ANKRD17: variants seen among roughly 807,000 people sequenced by gnomAD.
The protein encoded by ANKRD17 is ankyrin repeat domain 17, also known as ankyrin repeat domain-containing protein 17.
Under a neutral mutation model 229.7 loss-of-function variants are expected in ANKRD17, and 19 were observed. That is an observed-to-expected ratio of 0.08 (90% CI 0.06 to 0.12). The LOEUF is 0.12. Ranked by LOEUF, ANKRD17 falls within the 10% of genes least tolerant of loss-of-function variation. ANKRD17 has a pLI of 1.00. For missense variants in ANKRD17, 2,176 were observed against 3,176.8 expected (o/e 0.68, Z 7.57); for synonymous variants, 1,112 against 1,146.1 (o/e 0.97, Z 0.60).
chr4:73,150,181 G>A lies in ANKRD17; in HGVS notation c.1330-1131C>T, dbSNP rs530344076. On this transcript the variant is annotated intron_variant, in intron 7 of 33. Transcript: ENST00000358602. ...TCTTCAGTGCTGAATCTTCTTCCTC[G>A]ATAGCGAACTCCCACATTTCCTTTA... Among the ~76,000 whole-genome samples the A allele has an allele frequency of 5.7e-4, 86 of 151,988 alleles. No individual in the cohort carries two copies. In the South Asian group the frequency reaches 0.018, roughly 31 times the overall value.
intron 8 of ANKRD17, among the ~76,000 whole-genome samples, 177 bp downstream of exon 8, chr4:73,148,636 T>C (rs3796680): frequency 0.018 from 2,699 of 152,320 alleles, 96 homozygotes; most frequent in East Asian, 0.12. Flanking sequence ...AGAAGTTTCT[T>C]TGATTTTGTT....
intron 1 of ANKRD17, among the ~76,000 whole-genome samples, chr4:73,232,654 C>T (rs937183995): frequency 6.6e-6 from 1 of 152,052 alleles, no homozygotes; most frequent in Admixed American, 6.6e-5. Flanking sequence ...TCACTTGGCC[C>T]GAGAACATAT....
intron 23 of ANKRD17, among the ~76,000 whole-genome samples, chr4:73,114,928 T>C (rs541399419): frequency 7.9e-5 from 12 of 152,296 alleles, no homozygotes; most frequent in African/African-American, 2.9e-4. Flanking sequence ...AATCAAAATG[T>C]ATGTCTCCAG....
chr4:73,108,300 A>C (rs977641186), intron 24 of ANKRD17, among the ~76,000 whole-genome samples: 4 of 152,228 alleles, frequency 2.6e-5, no homozygotes, highest in African/African-American at 9.6e-5. Flanking sequence ...TAAGGTATTC[A>C]AATGGACATG....
intron 1 of ANKRD17, among the ~76,000 whole-genome samples, chr4:73,199,652 G>A (rs1224912774): frequency 6.6e-6 from 1 of 152,006 alleles, no homozygotes; most frequent in Non-Finnish European, 1.5e-5. Flanking sequence ...CATTATCCTG[G>A]CTTTATTATT....
At chr4:73,198,087 A>C (rs955361433) in intron 1 of ANKRD17, among the ~76,000 whole-genome samples, 1 of 152,156 alleles carries the variant, frequency 6.6e-6, no homozygotes, top group Non-Finnish European at 1.5e-5. Flanking sequence ...TTTTTAAAAA[A>C]ATTATGCCAG....
At chr4:73,080,104 AT>A (rs761511027) in intron 30 of ANKRD17, among the ~76,000 whole-genome samples, 49 of 152,176 alleles carry the variant, frequency 3.2e-4, no homozygotes, top group Admixed American at 1.4e-3. Context: ...AGATGACTCC[AT>A]CCCCCCTCCC....
At chr4:73,125,107 A>C (rs753818655) in intron 17 of ANKRD17, 49 bp from the exon 18 acceptor site, 77 of 1,606,340 alleles carry the variant, frequency 4.8e-5, no homozygotes, top group Non-Finnish European at 6.1e-5. Context: ...CAAAAGAACA[A>C]AATATCTGAC....
chr4:73,096,269 TAC>T (rs1723290512), intron 27 of ANKRD17, among the ~76,000 whole-genome samples: 2 of 152,208 alleles, frequency 1.3e-5, no homozygotes, highest in South Asian at 4.1e-4. Context: ...TAAATGCATA[TAC>T]AAAAACCAAA....
intron 8 of ANKRD17, among the ~76,000 whole-genome samples, chr4:73,148,146 A>G (rs1179945271): frequency 6.6e-6 from 1 of 152,222 alleles, no homozygotes; most frequent in African/African-American, 2.4e-5. Context: ...CGCTTTAAAA[A>G]TCATAGTCAA....
chr4:73,203,644 G>C (rs909274830), intron 1 of ANKRD17, among the ~76,000 whole-genome samples: 2 of 151,038 alleles, frequency 1.3e-5, no homozygotes, highest in Non-Finnish European at 2.9e-5. Context: ...TGTAGTCCCA[G>C]CTACTCGGGA....
chr4:73,104,778 T>C (rs983346897), intron 24 of ANKRD17, among the ~76,000 whole-genome samples: 3 of 151,892 alleles, frequency 2.0e-5, no homozygotes, highest in Non-Finnish European at 4.4e-5. Flanking sequence ...GGGTGGAGAA[T>C]TTTTTTTAAA....
chr4:73,205,178 T>C (rs1478371807), intron 1 of ANKRD17, among the ~76,000 whole-genome samples: 1 of 152,060 alleles, frequency 6.6e-6, no homozygotes, highest in Non-Finnish European at 1.5e-5. Flanking sequence ...AATTAAAATT[T>C]AGCCAAGTGT....
At chr4:73,181,560 T>A (rs1313947249) in intron 1 of ANKRD17, among the ~76,000 whole-genome samples, 2 of 152,130 alleles carry the variant, frequency 1.3e-5, no homozygotes, top group African/African-American at 4.8e-5. Flanking sequence ...ATTCCTTTAT[T>A]AAATTATGGG....
In ANKRD17 at chr4:73,198,820, TC is replaced by T. The variant is rs111794408; in HGVS notation, c.394-21288del. Among the ~76,000 whole-genome samples, 493 of 152,218 alleles carry T rather than the reference TC, an allele frequency of 3.2e-3. 2 individuals carry two copies. The highest frequency in any genetic ancestry group is 0.016 in the South Asian group (77 of 4,822). ...CCCTTAATGATACTCAAAGACATTC[TC>T]CCATGAATTGTATGATAAATTAGAT... On this transcript the variant is annotated intron_variant, in intron 1 of 33. Transcript: ENST00000358602.
Position 73,092,221 on chromosome 4 carries a change from G to A in ANKRD17, c.5407C>T (p.Leu1803Phe). ...CTTTTCAAACGATTCTTTGGAATAA[G>A]TTCATCAATTTCTTTGTCTGGATCC... ...IKDPDKEIDELIPKNRLKSSS... is the reference protein window; with the variant it reads ...IKDPDKEIDEFIPKNRLKSSS... Residue 1803 changes from leucine to phenylalanine, a missense_variant, in exon 29 of 34, where the codon CTT becomes TTT. Around this residue, in one of 18 missense-constraint regions of ANKRD17, gnomAD observed 142 missense variants for 200.4 expected, o/e 0.71. Transcript: ENST00000358602. 6.2e-7 allele frequency: 1 copy of A among 1,614,116 alleles called. No homozygotes were observed. Among genetic ancestry groups the A allele is most frequent in the Non-Finnish European group, 8.5e-7 (1 of 1,180,020 alleles).
chr4:73,147,531 A>T, intron 8 of ANKRD17, 99 bp from the exon 9 acceptor site: 1 of 989,268 alleles, frequency 1.0e-6, no homozygotes, highest in Non-Finnish European at 1.4e-6. Context: ...TTTAAAATGA[A>T]CATTTATATT....
At chr4:73,203,959 A>G (rs1010718240) in intron 1 of ANKRD17, among the ~76,000 whole-genome samples, 4 of 152,136 alleles carry the variant, frequency 2.6e-5, no homozygotes, top group South Asian at 4.1e-4. Flanking sequence ...ATGGGGGGGA[A>G]AAAACCATCA....
chr4:73,175,577 A>G (rs1734628903), intron 2 of ANKRD17, among the ~76,000 whole-genome samples: 1 of 152,248 alleles, frequency 6.6e-6, no homozygotes, highest in Non-Finnish European at 1.5e-5. Context: ...TATAGTAACC[A>G]AAATGGCATG....
Sources: allele counts gnomAD v4.1 joint callset (sites outside exome capture counted in the v4.1 genomes callset), GRCh38; gene constraint gnomAD v4.1.1; regional missense constraint gnomAD v4.1.1; transcripts MANE v1.5; gene names NCBI Gene and HGNC (gene_info 2026-07-23, HGNC 2026-07-21).